ARHGAP6: variants seen among roughly 807,000 people sequenced by gnomAD.
The protein encoded by ARHGAP6 is Rho GTPase activating protein 6, also known as rho GTPase-activating protein 6.
Under a neutral mutation model 55.7 loss-of-function variants are expected in ARHGAP6, and 16 were observed. The observed-to-expected ratio is 0.29, with a 90% CI of 0.19 to 0.44. The LOEUF (loss-of-function observed/expected upper bound fraction) is 0.44, where lower values mean the gene tolerates loss of function less well. ARHGAP6 is among the 20% of genes least tolerant of loss of function. ARHGAP6 has a pLI of 1.00. For missense variants in ARHGAP6, 698 were observed against 808.9 expected (o/e 0.86, Z 1.66); for synonymous variants, 382 against 360.9 (o/e 1.06, Z -0.66).
At chrX:11,516,377 T>C (rs1025223190) in intron 1 of ARHGAP6, among the ~76,000 whole-genome samples, 3 of 111,960 alleles carry the variant, frequency 2.7e-5, no homozygotes, top group Non-Finnish European at 3.8e-5. Flanking sequence ...CTTCCTAAAC[T>C]GAAACTCTAT....
At chrX:11,411,392 T>C (rs2147766108) in intron 1 of ARHGAP6, among the ~76,000 whole-genome samples, 1 of 107,275 alleles carries the variant, frequency 9.3e-6, no homozygotes, top group African/African-American at 3.4e-5. Context: ...GCATTTTATG[T>C]GTACAATTCA....
intron 11 of ARHGAP6, 190 bp downstream of exon 11, chrX:11,143,790 C>T: frequency 8.7e-7 from 1 of 1,145,977 alleles, no homozygotes; most frequent in Non-Finnish European, 1.2e-6. Flanking sequence ...CAGCCAACGA[C>T]TGGGCTCGCC....
At chrX:11,356,770 A>G (rs2048935517) in intron 1 of ARHGAP6, among the ~76,000 whole-genome samples, 1 of 112,078 alleles carries the variant, frequency 8.9e-6, no homozygotes, top group Non-Finnish European at 1.9e-5. Flanking sequence ...TATAGCATAC[A>G]TTATGTTTTG....
At chrX:11,435,030 G>T (rs1353218130) in intron 1 of ARHGAP6, among the ~76,000 whole-genome samples, 1 of 111,945 alleles carries the variant, frequency 8.9e-6, no homozygotes, top group African/African-American at 3.2e-5. Context: ...GGGCAGATTT[G>T]CCCCTTAGGG....
rs759075323 is a variant in ARHGAP6 at position 11,538,620 on chromosome X, C to A, written c.588+125621G>T. On this transcript the variant is annotated intron_variant, in intron 1 of 12. Transcript: ENST00000337414. ...TAATGTGTACAATAAAAACCAAATA[C>A]TGAATGTCTAAATGCTTCTAATTTT... Among the ~76,000 whole-genome samples, 10 of 111,655 alleles carry A rather than the reference C, an allele frequency of 9.0e-5. No individual in the cohort carries two copies. In the South Asian group the frequency reaches 1.1e-3, roughly 12 times the overall value.
intron 1 of ARHGAP6, among the ~76,000 whole-genome samples, chrX:11,514,246 C>A (rs1431315279): frequency 9.3e-6 from 1 of 107,982 alleles, no homozygotes; most frequent in East Asian, 2.9e-4. Context: ...AAGGAGAACT[C>A]CCAGAATTTC....
intron 1 of ARHGAP6, among the ~76,000 whole-genome samples, chrX:11,383,608 T>C (rs1299440965): frequency 1.8e-5 from 2 of 111,319 alleles, no homozygotes; most frequent in East Asian, 5.6e-4. Flanking sequence ...CCTAAATCTA[T>C]AGTCTCAGGT....
rs1379977941 is a variant in ARHGAP6, at chrX:11,434,938, C to G, written c.589-180231G>C. Reference sequence around the variant, plus strand: ...CTTTGCCTTGCTGTGCAGTAAGAACCAACCGAAGAAAACTGCTCCAAGCCT... The same window carrying G: ...CTTTGCCTTGCTGTGCAGTAAGAACGAACCGAAGAAAACTGCTCCAAGCCT... On this transcript the variant is annotated intron_variant, in intron 1 of 12. Transcript: ENST00000337414. Among the ~76,000 whole-genome samples the G allele has an allele frequency of 4.5e-5, 5 of 111,921 alleles. No homozygotes were observed. In the East Asian group the frequency reaches 1.1e-3, roughly 25 times the overall value.
rs762796999 is a variant in ARHGAP6, at chrX:11,651,089, A to G, written c.588+13152T>C. Reference sequence around the variant, plus strand: ...ATCATGAAATGCAGAAACCTGACTCATTGCATCAGCAGCGGGAATCTAGAG... The same window carrying G: ...ATCATGAAATGCAGAAACCTGACTCGTTGCATCAGCAGCGGGAATCTAGAG... On this transcript the variant is annotated intron_variant, in intron 1 of 12. Transcript: ENST00000337414. Among the ~76,000 whole-genome samples the G allele has an allele frequency of 3.6e-5, 4 of 112,024 alleles. No homozygotes were observed. In the South Asian group the frequency reaches 1.5e-3, roughly 42 times the overall value.
At chrX:11,392,404 A>C (rs1253715234) in intron 1 of ARHGAP6, among the ~76,000 whole-genome samples, 3 of 111,390 alleles carry the variant, frequency 2.7e-5, no homozygotes, top group African/African-American at 9.8e-5. Context: ...GAGTTAATTA[A>C]TCAATAACAA....
At chrX:11,280,419 C>T (rs1482311829) in intron 1 of ARHGAP6, among the ~76,000 whole-genome samples, 1 of 111,580 alleles carries the variant, frequency 9.0e-6, no homozygotes, top group Admixed American at 9.5e-5. Context: ...ATGAAAGAGG[C>T]ACTAGCTCAC....
intron 1 of ARHGAP6, among the ~76,000 whole-genome samples, chrX:11,419,970 G>A (rs1240628220): frequency 9.0e-6 from 1 of 111,701 alleles, no homozygotes; most frequent in Non-Finnish European, 1.9e-5. Flanking sequence ...TTTTTTTTAT[G>A]TTAGAAAAGT....
intron 1 of ARHGAP6, among the ~76,000 whole-genome samples, chrX:11,289,250 T>G (rs1180615218): frequency 9.0e-6 from 1 of 111,620 alleles, no homozygotes; most frequent in Non-Finnish European, 1.9e-5. Flanking sequence ...GATTTTATGT[T>G]GAACCTTTTT....
chrX:11,311,391 C>T (rs1011041584), intron 1 of ARHGAP6, among the ~76,000 whole-genome samples: 1 of 111,895 alleles, frequency 8.9e-6, no homozygotes, highest in African/African-American at 3.3e-5. Flanking sequence ...TGCCCTTGAA[C>T]ATTATTTTCT....
intron 1 of ARHGAP6, among the ~76,000 whole-genome samples, chrX:11,421,500 C>G (rs921476901): frequency 9.0e-6 from 1 of 111,682 alleles, no homozygotes; most frequent in Non-Finnish European, 1.9e-5. Context: ...AATATGGATA[C>G]CGAGGGACAT....
intron 1 of ARHGAP6, among the ~76,000 whole-genome samples, chrX:11,541,662 C>T (rs2051159009): frequency 8.9e-6 from 1 of 112,140 alleles, no homozygotes. Context: ...AACTGCTTGG[C>T]TTCTTACTTG....
chrX:11,174,598 TTC>T lies in ARHGAP6; in HGVS notation c.1629+3500_1629+3501del, dbSNP rs1307585224. Among the ~76,000 whole-genome samples, 116 of 94,174 alleles carry T rather than the reference TTC, an allele frequency of 1.2e-3. 1 individual carries two copies. The highest frequency in any genetic ancestry group is 7.7e-3 in the East Asian group (24 of 3,133). The allele number at this position is 94,174 out of a possible 115,157, so 81.8% of individuals were successfully genotyped here. On this transcript the variant is annotated intron_variant, in intron 8 of 12. Coordinates refer to ENST00000337414, the MANE Select transcript of ARHGAP6 (RefSeq NM_013427.3). ...CCTTTCTTTCTTTCTTTCTTTTTCT[TTC>T]TTTCTTTCTTTCTTTCTCTTTCTTT...
At chrX:11,288,338 G>A (rs952641202) in intron 1 of ARHGAP6, among the ~76,000 whole-genome samples, 4 of 111,841 alleles carry the variant, frequency 3.6e-5, no homozygotes, top group East Asian at 5.6e-4. Context: ...CATCATAGTC[G>A]TCATCATCAA....
At chrX:11,447,927 T>C (rs1335850532) in intron 1 of ARHGAP6, among the ~76,000 whole-genome samples, 1 of 112,131 alleles carries the variant, frequency 8.9e-6, no homozygotes, top group Non-Finnish European at 1.9e-5. Context: ...AAATAACAGA[T>C]ATAATAATAA....
Sources: gnomAD v4.1 joint callset for allele counts (sites outside exome capture counted in the v4.1 genomes callset) on GRCh38, gnomAD v4.1.1 for gene constraint, MANE v1.5 for transcripts, NCBI Gene and HGNC (gene_info 2026-07-23, HGNC 2026-07-21) for gene names.